RANBP3L: variants seen among roughly 807,000 people sequenced by gnomAD.
RANBP3L encodes the protein RAN binding protein 3 like, also known as ran-binding protein 3-like.
RANBP3L carries 56 observed loss-of-function variants against 67.2 expected under a neutral mutation model. The observed-to-expected ratio is 0.83, with a 90% CI of 0.67 to 1.04. The LOEUF (loss-of-function observed/expected upper bound fraction) is 1.04, where lower values mean the gene tolerates loss of function less well. Ranked by LOEUF, RANBP3L falls within the 50% of genes least tolerant of loss-of-function variation. The probability of loss-of-function intolerance (pLI) is 0.00; values close to 1 mark genes in which losing one functional copy is unlikely to be tolerated. For missense variants in RANBP3L, 496 were observed against 535.5 expected (o/e 0.93, Z 0.73); for synonymous variants, 164 against 181.4 (o/e 0.90, Z 0.77).
In RANBP3L at chr5:36,267,585, G is replaced by A. The variant is rs144838394; in HGVS notation, c.268+1805C>T. Among the ~76,000 whole-genome samples the A allele has an allele frequency of 7.4e-3, 1,129 of 152,222 alleles. 11 individuals carry two copies. Among genetic ancestry groups the A allele is most frequent in the Non-Finnish European group, 0.013 (860 of 68,018 alleles). The stretch of plus-strand genomic sequence containing the variant: ...AGGGGGATCAATTCAAATGAAGTGA[G>A]TAGTTTGTAATTTTTCTTTCTTAGT... On this transcript the variant is annotated intron_variant, in intron 4 of 13. Transcript: ENST00000296604.
chr5:36,268,407 C>T (rs760077431), intron 4 of RANBP3L: 3 of 534,244 alleles, frequency 5.6e-6, no homozygotes, highest in South Asian at 5.4e-5. Flanking sequence ...AAAATGAGTA[C>T]ATCTGATGAA....
intron 1 of RANBP3L, among the ~76,000 whole-genome samples, chr5:36,297,781 G>T (rs1752331214): frequency 6.6e-6 from 1 of 152,196 alleles, no homozygotes; most frequent in Non-Finnish European, 1.5e-5. Context: ...TAGAGCATTT[G>T]TTGTCATAGT....
At chr5:36,299,166 A>G (rs534785145) in intron 1 of RANBP3L, among the ~76,000 whole-genome samples, 69 of 152,212 alleles carry the variant, frequency 4.5e-4, no homozygotes, top group African/African-American at 1.7e-3. Flanking sequence ...TTGGATTCCA[A>G]GTTCTTCAGT....
chr5:36,283,332 A>G (rs1751101044), intron 1 of RANBP3L, among the ~76,000 whole-genome samples: 1 of 151,914 alleles, frequency 6.6e-6, no homozygotes. Flanking sequence ...TGCCGGGATT[A>G]CAGGCATGAG....
intron 1 of RANBP3L, among the ~76,000 whole-genome samples, chr5:36,284,875 T>C (rs919348828): frequency 6.6e-6 from 1 of 152,198 alleles, no homozygotes; most frequent in Admixed American, 6.6e-5. Context: ...TAACCAGTGA[T>C]TTAATAGCAA....
At chr5:36,267,860 T>C (rs1355953604) in intron 4 of RANBP3L, among the ~76,000 whole-genome samples, 2 of 152,240 alleles carry the variant, frequency 1.3e-5, no homozygotes, top group African/African-American at 2.4e-5. Context: ...TTAAATGCTA[T>C]TACATTATAA....
At position 36,259,601 on chromosome 5, in the gene RANBP3L, T is replaced by A. The variant is rs888598456; in HGVS notation, c.669+1179A>T. On this transcript the variant is annotated intron_variant, in intron 8 of 13. Transcript: ENST00000296604. Reference sequence around the variant, plus strand: ...TCATCTTAAAAAAAAAAAAAAAAAATGGAATGAACTGGCTTAACGAGTTGG... The same window carrying A: ...TCATCTTAAAAAAAAAAAAAAAAAAAGGAATGAACTGGCTTAACGAGTTGG... 5.3e-4 allele frequency among the ~76,000 whole-genome samples: 73 copies of A among 138,752 alleles called. 1 individual carries two copies. The South Asian group carries it at 0.017, about 33-fold the overall frequency. 91.0% of individuals were successfully genotyped at this position (138,752 alleles called of 152,430 possible).
At chr5:36,288,894 C>A (rs1382279976) in intron 1 of RANBP3L, among the ~76,000 whole-genome samples, 2 of 151,402 alleles carry the variant, frequency 1.3e-5, no homozygotes, top group Non-Finnish European at 1.5e-5. Context: ...ATTTTTCTCC[C>A]AGTCTTTTCT....
Position 36,277,250 on chromosome 5 carries a change from C to T in RANBP3L, c.92-5939G>A, listed in dbSNP as rs1009416342. 3.8e-4 allele frequency among the ~76,000 whole-genome samples: 58 copies of T among 152,132 alleles called. 1 individual carries two copies. Among genetic ancestry groups the T allele is most frequent in the African/African-American group, 1.4e-3 (58 of 41,434 alleles). On this transcript the variant is annotated intron_variant, in intron 1 of 13. Coordinates refer to ENST00000296604, the MANE Select transcript of RANBP3L (RefSeq NM_145000.5). Reference sequence around the variant, plus strand: ...TCCTTGTGCACTGTCTCACCCCAATCTCCAGGACTTTCCTTTATGTCCCTG... The same window carrying T: ...TCCTTGTGCACTGTCTCACCCCAATTTCCAGGACTTTCCTTTATGTCCCTG...
rs11956190 is a variant in RANBP3L, at chr5:36,261,802, C to T, written c.584+137G>A. On this transcript the variant is annotated intron_variant, in intron 7 of 13. Transcript: ENST00000296604. The stretch of plus-strand genomic sequence containing the variant: ...TTAAAAACATTTTAAACTTGTGTTT[C>T]CTATAAAATCTCCTTTCAAATGGGA... 1.5e-3 allele frequency: 733 copies of T among 484,432 alleles called. 4 individuals carry two copies. Among genetic ancestry groups the T allele is most frequent in the African/African-American group, 0.013 (656 of 50,814 alleles). The allele number at this position is 484,432 out of a possible 1,614,324, so 30.0% of individuals were successfully genotyped here. A position where few individuals can be genotyped will look rare whatever the true frequency, so the allele number is the denominator to read the frequency against.
chr5:36,273,470 A>G (rs934239079), intron 1 of RANBP3L, among the ~76,000 whole-genome samples: 4 of 152,164 alleles, frequency 2.6e-5, no homozygotes, highest in Admixed American at 6.5e-5. Context: ...GGAACTAGGG[A>G]CACATGGTCT....
chr5:36,260,990 A>T, intron 7 of RANBP3L, 126 bp from the exon 8 acceptor site: 3 of 579,958 alleles, frequency 5.2e-6, no homozygotes, highest in Non-Finnish European at 9.3e-6. Context: ...TGTTAGTGTG[A>T]ATTTAATGAA....
chr5:36,253,556 A>C, intron 12 of RANBP3L, 91 bp downstream of exon 12: 7 of 1,049,724 alleles, frequency 6.7e-6, no homozygotes, highest in Non-Finnish European at 9.9e-6. Flanking sequence ...AATGGTACAG[A>C]TTATTATACC....
At chr5:36,262,842 A>T (rs572491732) in intron 6 of RANBP3L, among the ~76,000 whole-genome samples, 13 of 152,198 alleles carry the variant, frequency 8.5e-5, no homozygotes, top group African/African-American at 2.9e-4. Context: ...ATCGAAGTAC[A>T]TGCTCATTAC....
At chr5:36,277,418 C>CTATATA (rs1282657261) in intron 1 of RANBP3L, among the ~76,000 whole-genome samples, 7 of 75,394 alleles carry the variant, frequency 9.3e-5, no homozygotes, top group Non-Finnish European at 1.6e-4. Flanking sequence ...CTCTCTCTCT[C>CTATATA]TCTCTATATA....
chr5:36,268,622 A>G (rs1749978820), intron 4 of RANBP3L, among the ~76,000 whole-genome samples: 1 of 152,178 alleles, frequency 6.6e-6, no homozygotes, highest in South Asian at 2.1e-4. Context: ...CATAGAAGAC[A>G]AGCAAACTAA....
At chr5:36,281,919 G>A (rs982516778) in intron 1 of RANBP3L, among the ~76,000 whole-genome samples, 4 of 152,116 alleles carry the variant, frequency 2.6e-5, no homozygotes, top group Non-Finnish European at 4.4e-5. Flanking sequence ...GTGTTCTTTT[G>A]TGACAAAATT....
rs1748387741 is a variant in RANBP3L at position 36,248,158 on chromosome 5, T to G, written c.*1496A>C. 6.6e-6 allele frequency among the ~76,000 whole-genome samples: 1 copy of G among 152,212 alleles called. No individual in the cohort carries two copies. Among genetic ancestry groups the G allele is most frequent in the Non-Finnish European group, 1.5e-5 (1 of 68,032 alleles). On this transcript the variant is annotated 3_prime_UTR_variant, in exon 14 of 14. Transcript: ENST00000296604. ...GTCCTTTCTTTCGTACTAAATCTCT[T>G]TTTCCCCTTCTATCTTTTCTTCATC...
intron 4 of RANBP3L, among the ~76,000 whole-genome samples, chr5:36,265,725 C>T (rs1342864603): frequency 6.6e-6 from 1 of 152,134 alleles, no homozygotes; most frequent in Admixed American, 6.5e-5. Flanking sequence ...GTAATCCTAG[C>T]ACTTTGGGAG....
Sources: gnomAD v4.1 joint callset for allele counts (sites outside exome capture counted in the v4.1 genomes callset) on GRCh38, gnomAD v4.1.1 for gene constraint, MANE v1.5 for transcripts, NCBI Gene and HGNC (gene_info 2026-07-23, HGNC 2026-07-21) for gene names.